The following C1QTNF7 variants were observed in gnomAD, a reference collection of about 807,000 sequenced individuals.
C1QTNF7 encodes the protein complement C1q tumor necrosis factor-related protein 7.
In C1QTNF7, 15 loss-of-function variants were observed where a neutral mutation model predicts 19.6. The ratio of observed to expected loss-of-function variants is 0.76; its 90% CI spans 0.51 to 1.18. The LOEUF (loss-of-function observed/expected upper bound fraction) is 1.18, where lower values mean the gene tolerates loss of function less well. Among genes scored for constraint, C1QTNF7 ranks in the 50% most tolerant of loss-of-function variants. C1QTNF7 has a pLI of 0.00. For synonymous variants in C1QTNF7, 142 were observed against 137.5 expected (o/e 1.03, Z -0.23); for missense variants, 324 against 359.7 (o/e 0.90, Z 0.80).
chr4:15,421,030 C>T lies in C1QTNF7; in HGVS notation c.14-14706C>T, dbSNP rs181509132. On this transcript the variant is annotated intron_variant, in intron 1 of 2. Coordinates refer to the C1QTNF7 transcript ENST00000295297. ...TTTGCCTTTGTTGGGTCTAATATAGCTCTTGACCCTGAACTTGGCTCATGT... is the reference window on the plus strand; with the variant it reads ...TTTGCCTTTGTTGGGTCTAATATAGTTCTTGACCCTGAACTTGGCTCATGT... Among the ~76,000 whole-genome samples, 19 of 151,780 alleles carry T rather than the reference C, an allele frequency of 1.3e-4. No individual in the cohort carries two copies. The East Asian group carries it at 2.3e-3, about 19-fold the overall frequency.
chr4:15,435,244 A>C (rs1262653312), intron 1 of C1QTNF7, among the ~76,000 whole-genome samples: 1 of 152,238 alleles, frequency 6.6e-6, no homozygotes, highest in African/African-American at 2.4e-5. Flanking sequence ...TGTCAAGTGA[A>C]AGAAGTTAAG....
intron 1 of C1QTNF7, among the ~76,000 whole-genome samples, chr4:15,414,344 T>G (rs528770181): frequency 1.1e-4 from 17 of 152,336 alleles, no homozygotes; most frequent in African/African-American, 3.4e-4. Context: ...TGTAGAGGGT[T>G]TCTTTCTTTT....
At chr4:15,386,752 T>C (rs1718350269) in intron 1 of C1QTNF7, among the ~76,000 whole-genome samples, 1 of 152,174 alleles carries the variant, frequency 6.6e-6, no homozygotes, top group Non-Finnish European at 1.5e-5. Context: ...AAGAACAGTG[T>C]GTGAAAATGT....
intron 1 of C1QTNF7, among the ~76,000 whole-genome samples, chr4:15,389,241 G>T (rs1474222980): frequency 6.6e-6 from 1 of 152,148 alleles, no homozygotes; most frequent in Non-Finnish European, 1.5e-5. Context: ...GACCAGGGGA[G>T]TTTTGAAGAG....
intron 1 of C1QTNF7, among the ~76,000 whole-genome samples, chr4:15,407,403 T>C (rs1423883686): frequency 1.3e-5 from 2 of 152,136 alleles, no homozygotes; most frequent in East Asian, 3.8e-4. Context: ...TCTAATATCC[T>C]CCAGAGAGTA....
At chr4:15,356,018 G>A (rs949367140) in intron 1 of C1QTNF7, among the ~76,000 whole-genome samples, 2 of 151,958 alleles carry the variant, frequency 1.3e-5, no homozygotes, top group African/African-American at 2.4e-5. Flanking sequence ...TTATTATTTT[G>A]TAGAGACAGG....
intron 1 of C1QTNF7, among the ~76,000 whole-genome samples, chr4:15,391,846 A>C (rs1050674143): frequency 5.3e-5 from 8 of 152,200 alleles, no homozygotes; most frequent in African/African-American, 1.9e-4. Flanking sequence ...AAGCAGGAAG[A>C]AGCACCACTA....
chr4:15,438,068 A>G (rs1712607597), intron 2 of C1QTNF7, among the ~76,000 whole-genome samples: 2 of 152,204 alleles, frequency 1.3e-5, no homozygotes. Flanking sequence ...ACTTACTAAG[A>G]ACTTACTATT....
intron 1 of C1QTNF7, among the ~76,000 whole-genome samples, chr4:15,353,533 G>C (rs1238900320): frequency 6.6e-6 from 1 of 152,120 alleles, no homozygotes; most frequent in Non-Finnish European, 1.5e-5. Context: ...ATCGGTCCAG[G>C]GAGCCTGTGG....
intron 1 of C1QTNF7, among the ~76,000 whole-genome samples, chr4:15,419,762 C>T (rs1352222372): frequency 1.3e-5 from 2 of 151,998 alleles, no homozygotes; most frequent in Non-Finnish European, 2.9e-5. Flanking sequence ...AGTGTATATA[C>T]TATGAATAGG....
intron 1 of C1QTNF7, among the ~76,000 whole-genome samples, chr4:15,413,395 C>T (rs914948573): frequency 1.3e-5 from 2 of 152,176 alleles, no homozygotes; most frequent in Non-Finnish European, 2.9e-5. Flanking sequence ...TCCTTTGACC[C>T]GGAGATAATC....
At chr4:15,366,372 AGGGCAT>A (rs1313227479) in intron 1 of C1QTNF7, among the ~76,000 whole-genome samples, 1 of 152,174 alleles carries the variant, frequency 6.6e-6, no homozygotes, top group Admixed American at 6.5e-5. Flanking sequence ...GCTACAGTTG[AGGGCAT>A]GTTAAGTTAG....
chr4:15,385,298 G>A (rs562705429), intron 1 of C1QTNF7, among the ~76,000 whole-genome samples: 1 of 152,316 alleles, frequency 6.6e-6, no homozygotes, highest in South Asian at 2.1e-4. Flanking sequence ...AGACGTACAT[G>A]TCAGAAGGAC....
chr4:15,412,155 C>A (rs1282566509), intron 1 of C1QTNF7, among the ~76,000 whole-genome samples: 1 of 152,102 alleles, frequency 6.6e-6, no homozygotes, highest in Admixed American at 6.5e-5. Flanking sequence ...TCTGATCACC[C>A]CAGAGGGGAT....
At position 15,403,721 on chromosome 4, in the gene C1QTNF7, G is replaced by A. The variant is rs2430320; in HGVS notation, c.14-32015G>A. The stretch of plus-strand genomic sequence containing the variant: ...TTGGGGTAGACACGTCTTTGAGGGG[G>A]CTACTATTCAGCCCACTACAAATGG... On this transcript the variant is annotated intron_variant, in intron 1 of 2. Transcript: ENST00000295297. 1.1e-3 allele frequency among the ~76,000 whole-genome samples: 160 copies of A among 152,246 alleles called. 1 individual carries two copies. Among genetic ancestry groups the A allele is most frequent in the African/African-American group, 3.8e-3 (158 of 41,546 alleles).
rs1712844475 is a variant in C1QTNF7, at chr4:15,442,931, T to G, written c.*132T>G. The G allele has an allele frequency of 1.0e-6, 1 of 957,408 alleles. No homozygotes were observed. The highest frequency in any genetic ancestry group is 1.5e-6 in the Non-Finnish European group (1 of 676,016). The allele number at this position is 957,408 out of a possible 1,614,324, so 59.3% of individuals were successfully genotyped here. ...ATTTAAAGACAATTCTAGCAGAATT[T>G]ATCAAAACAAGATGAAACACAGAAA... On this transcript the variant is annotated 3_prime_UTR_variant, in exon 3 of 3. Transcript: ENST00000444304.
chr4:15,359,967 G>T (rs1717278545), intron 1 of C1QTNF7, among the ~76,000 whole-genome samples: 1 of 152,170 alleles, frequency 6.6e-6, no homozygotes, highest in Non-Finnish European at 1.5e-5. Flanking sequence ...AGAAAGGAAG[G>T]GCACAGTTAC....
intron 1 of C1QTNF7, among the ~76,000 whole-genome samples, chr4:15,373,274 A>AG (rs984444231): frequency 1.3e-5 from 2 of 152,162 alleles, no homozygotes; most frequent in East Asian, 1.9e-4. Context: ...GAGGGCAAAA[A>AG]GGGCTTAGCT....
At chr4:15,383,633 G>A (rs573695308) in intron 1 of C1QTNF7, among the ~76,000 whole-genome samples, 1 of 152,296 alleles carries the variant, frequency 6.6e-6, no homozygotes, top group South Asian at 2.1e-4. Flanking sequence ...TTTACCTAAG[G>A]CTTTGTACCT....
Sources: allele counts gnomAD v4.1 joint callset (sites outside exome capture counted in the v4.1 genomes callset), GRCh38; gene constraint gnomAD v4.1.1; transcripts MANE v1.5; gene names NCBI Gene and HGNC (gene_info 2026-07-23, HGNC 2026-07-21).